ADAMTS17: variants seen among roughly 807,000 people sequenced by gnomAD.
ADAMTS17 encodes the protein A disintegrin and metalloproteinase with thrombospondin motifs 17.
A neutral mutation model predicts 141.5 loss-of-function variants in ADAMTS17; 113 were observed. The observed-to-expected ratio is 0.80, with a 90% CI of 0.69 to 0.93. ADAMTS17 has a LOEUF of 0.93. Among genes scored for constraint, ADAMTS17 ranks in the 40% least tolerant of loss-of-function variants. The pLI is 0.00. For synonymous variants in ADAMTS17, 768 were observed against 630.6 expected, an observed-to-expected ratio of 1.22 and a Z score of -3.27; for missense variants, 1,659 against 1,517.9, an observed-to-expected ratio of 1.09 and a Z score of -1.54.
At chr15:100,127,237 T>C (rs1367142604) in intron 12 of ADAMTS17, among the ~76,000 whole-genome samples, 1 of 152,062 alleles carries the variant, frequency 6.6e-6, no homozygotes, top group East Asian at 1.9e-4. Flanking sequence ...CAGATGTAAT[T>C]AAGCTAAGGA....
chr15:100,164,622 C>T (rs2039873952), intron 8 of ADAMTS17, among the ~76,000 whole-genome samples: 1 of 152,186 alleles, frequency 6.6e-6, no homozygotes, highest in Admixed American at 6.5e-5. Context: ...GCCCCTCGAG[C>T]TGAAAACTCA....
chr15:100,001,561 C>T (rs1054158804), intron 18 of ADAMTS17, among the ~76,000 whole-genome samples: 24 of 152,176 alleles, frequency 1.6e-4, no homozygotes, highest in African/African-American at 4.1e-4. Flanking sequence ...GGTCCCTCAG[C>T]GGTAACGAAT....
chr15:100,141,381 G>A (rs1056039736), intron 10 of ADAMTS17, among the ~76,000 whole-genome samples: 2 of 152,216 alleles, frequency 1.3e-5, no homozygotes, highest in African/African-American at 4.8e-5. Flanking sequence ...GGCATCTGCT[G>A]AGGGTTTGGA....
At chr15:100,016,381 T>C (rs1300816418) in intron 18 of ADAMTS17, among the ~76,000 whole-genome samples, 5 of 152,234 alleles carry the variant, frequency 3.3e-5, no homozygotes, top group Non-Finnish European at 7.3e-5. Flanking sequence ...AGATTTCATC[T>C]TGGTTTGGAT....
chr15:100,210,256 A>T (rs1437531324), intron 7 of ADAMTS17, among the ~76,000 whole-genome samples: 1 of 151,340 alleles, frequency 6.6e-6, no homozygotes, highest in African/African-American at 2.4e-5. Flanking sequence ...AAAAAAAAAA[A>T]AAAGAAGTGA....
At chr15:100,130,207 T>C (rs1413335259) in intron 12 of ADAMTS17, among the ~76,000 whole-genome samples, 1 of 151,822 alleles carries the variant, frequency 6.6e-6, no homozygotes, top group Admixed American at 6.6e-5. Flanking sequence ...CTACTAAAAA[T>C]ACAAAAAGTA....
At chr15:100,065,081 G>A (rs2033419756) in intron 15 of ADAMTS17, among the ~76,000 whole-genome samples, 1 of 152,004 alleles carries the variant, frequency 6.6e-6, no homozygotes, top group Non-Finnish European at 1.5e-5. Flanking sequence ...ACAATAAAAT[G>A]GATTTATTTT....
chr15:100,177,292 C>T (rs983767815), intron 8 of ADAMTS17, among the ~76,000 whole-genome samples: 1 of 152,228 alleles, frequency 6.6e-6, no homozygotes, highest in African/African-American at 2.4e-5. Context: ...AACAGCTATA[C>T]ATTCCCTCTC....
At chr15:100,226,466 A>G (rs1445991854) in intron 7 of ADAMTS17, among the ~76,000 whole-genome samples, 1 of 152,272 alleles carries the variant, frequency 6.6e-6, no homozygotes, top group Non-Finnish European at 1.5e-5. Flanking sequence ...GCACAACTGT[A>G]TACCATCCAC....
chr15:100,108,246 A>T (rs2036530037), intron 14 of ADAMTS17, among the ~76,000 whole-genome samples: 1 of 150,870 alleles, frequency 6.6e-6, no homozygotes, highest in Non-Finnish European at 1.5e-5. Flanking sequence ...ATCTCAGCTC[A>T]CCGCAACCTC....
intron 14 of ADAMTS17, among the ~76,000 whole-genome samples, chr15:100,102,941 C>A (rs922483990): frequency 6.6e-6 from 1 of 152,220 alleles, no homozygotes; most frequent in Non-Finnish European, 1.5e-5. Context: ...TCGGTTTGGG[C>A]TGTCTTTTCA....
chr15:100,230,940 G>C (rs944445194), intron 7 of ADAMTS17, among the ~76,000 whole-genome samples: 2 of 152,136 alleles, frequency 1.3e-5, no homozygotes, highest in African/African-American at 2.4e-5. Flanking sequence ...GGGGGGAGGA[G>C]ACAGAGGGAT....
At chr15:100,316,574 T>C (rs1038057889) in intron 3 of ADAMTS17, among the ~76,000 whole-genome samples, 4 of 152,208 alleles carry the variant, frequency 2.6e-5, no homozygotes, top group African/African-American at 9.6e-5. Context: ...TCCTGCTTCC[T>C]GGAACCCCCT....
At chr15:100,100,390 A>G (rs2036022701) in intron 14 of ADAMTS17, among the ~76,000 whole-genome samples, 1 of 152,140 alleles carries the variant, frequency 6.6e-6, no homozygotes, top group Non-Finnish European at 1.5e-5. Context: ...AGAGCTCTTA[A>G]GCCCACTTCT....
chr15:100,001,558 C>T (rs1396619703), intron 18 of ADAMTS17, among the ~76,000 whole-genome samples: 1 of 152,150 alleles, frequency 6.6e-6, no homozygotes, highest in Non-Finnish European at 1.5e-5. Context: ...GTAGGTCCCT[C>T]AGCGGTAACG....
chr15:99,986,366 C>T (rs1292578013), intron 20 of ADAMTS17, among the ~76,000 whole-genome samples: 2 of 152,230 alleles, frequency 1.3e-5, no homozygotes, highest in African/African-American at 2.4e-5. Flanking sequence ...GCAAAATACA[C>T]ATGAACTTGA....
At chr15:100,140,503 ATATATC>A (rs1459204777) in intron 10 of ADAMTS17, among the ~76,000 whole-genome samples, 2 of 147,868 alleles carry the variant, frequency 1.4e-5, no homozygotes, top group African/African-American at 2.5e-5. Context: ...ATATATATAT[ATATATC>A]CAGTAAAGAC....
At chr15:100,337,395 G>C (rs1424852877) in intron 2 of ADAMTS17, among the ~76,000 whole-genome samples, 1 of 152,234 alleles carries the variant, frequency 6.6e-6, no homozygotes, top group Admixed American at 6.5e-5. Flanking sequence ...TTCCAAATAA[G>C]AGTCCTACAG....
At chr15:100,061,759 CCTT>C (rs1412589925) in intron 15 of ADAMTS17, among the ~76,000 whole-genome samples, 4 of 152,220 alleles carry the variant, frequency 2.6e-5, no homozygotes, top group African/African-American at 9.6e-5. Context: ...CGCAGGGACA[CCTT>C]CTGGGCTTGA....
Sources: gnomAD v4.1 joint callset for allele counts (sites outside exome capture counted in the v4.1 genomes callset) on GRCh38, gnomAD v4.1.1 for gene constraint, MANE v1.5 for transcripts, NCBI Gene and HGNC (gene_info 2026-07-23, HGNC 2026-07-21) for gene names.